The following TSC22D3 variants were observed in gnomAD, a reference collection of about 807,000 sequenced individuals.
The protein encoded by TSC22D3 is TSC22 domain family member 3.
Under a neutral mutation model 11.1 loss-of-function variants are expected in TSC22D3, and 4 were observed. The observed-to-expected ratio is 0.36, with a 90% CI of 0.18 to 0.83. The LOEUF (loss-of-function observed/expected upper bound fraction) is 0.83. Ranked by LOEUF, TSC22D3 falls within the 40% of genes least tolerant of loss-of-function variation. TSC22D3 has a pLI of 0.48. For synonymous variants in TSC22D3, 77 were observed against 70.3 expected (o/e 1.10, Z -0.48); for missense variants, 118 against 159.4 (o/e 0.74, Z 1.40).
intron 1 of TSC22D3, among the ~76,000 whole-genome samples, chrX:107,728,095 T>C (rs778845878): frequency 3.6e-5 from 4 of 110,952 alleles, no homozygotes; most frequent in African/African-American, 1.3e-4. Context: ...TATTTACTAC[T>C]GTACACCTAA....
chrX:107,740,566 G>A (rs751976524), intron 1 of TSC22D3, among the ~76,000 whole-genome samples: 1 of 109,750 alleles, frequency 9.1e-6, no homozygotes, highest in East Asian at 2.9e-4. Context: ...TGGCGACAGA[G>A]CAAGACTCAG....
chrX:107,719,223 A>G (rs775829976), intron 1 of TSC22D3, among the ~76,000 whole-genome samples: 6 of 112,025 alleles, frequency 5.4e-5, no homozygotes, highest in Non-Finnish European at 9.4e-5. Context: ...GGACTCCCTT[A>G]TGTGGAGACA....
intron 1 of TSC22D3, among the ~76,000 whole-genome samples, chrX:107,767,599 G>T (rs1201226747): frequency 2.7e-5 from 3 of 112,230 alleles, no homozygotes; most frequent in Admixed American, 1.9e-4. Flanking sequence ...CTCACAGATC[G>T]CATCTTAGCC....
At chrX:107,754,567 G>T (rs1929086543) in intron 1 of TSC22D3, among the ~76,000 whole-genome samples, 1 of 111,795 alleles carries the variant, frequency 8.9e-6, no homozygotes, top group Admixed American at 9.5e-5. Context: ...GGGCTATGTG[G>T]GTAGGCAGCT....
At chrX:107,772,014 AT>A (rs905390934) in intron 1 of TSC22D3, among the ~76,000 whole-genome samples, 1 of 112,720 alleles carries the variant, frequency 8.9e-6, no homozygotes, top group African/African-American at 3.2e-5. Context: ...AGAAACCTTT[AT>A]TGAATATTGG....
chrX:107,735,223 G>A (rs887087658), intron 1 of TSC22D3, among the ~76,000 whole-genome samples: 3 of 111,701 alleles, frequency 2.7e-5, no homozygotes, highest in Non-Finnish European at 3.8e-5. Context: ...AGCATCCAAC[G>A]GATGGGGCAG....
intron 1 of TSC22D3, among the ~76,000 whole-genome samples, chrX:107,721,604 A>G (rs1427256448): frequency 8.9e-6 from 1 of 112,368 alleles, no homozygotes; most frequent in Non-Finnish European, 1.9e-5. Flanking sequence ...TGTTCCACCC[A>G]AAGGTTCGGC....
chrX:107,714,408 G>T lies in TSC22D3; in HGVS notation c.*111C>A. Reference sequence around the variant, plus strand: ...TAGGACATCTCTTGGCACCAGCTGTGCTAGGTGTAAAGTTCTCCTCGTGAG... The same window carrying T: ...TAGGACATCTCTTGGCACCAGCTGTTCTAGGTGTAAAGTTCTCCTCGTGAG... On this transcript the variant is annotated 3_prime_UTR_variant, in exon 3 of 3. Transcript: ENST00000372383. 1.5e-6 allele frequency: 1 copy of T among 680,548 alleles called. No homozygotes were observed. Among genetic ancestry groups the T allele is most frequent in the Non-Finnish European group, 2.2e-6 (1 of 463,552 alleles). The allele number at this position is 680,548 out of a possible 1,213,427, so 56.1% of individuals were successfully genotyped here.
At chrX:107,722,522 G>T (rs1927392618) in intron 1 of TSC22D3, among the ~76,000 whole-genome samples, 1 of 112,253 alleles carries the variant, frequency 8.9e-6, no homozygotes, top group Non-Finnish European at 1.9e-5. Flanking sequence ...GCTGGGGGGT[G>T]GTTTGTTCTG....
chrX:107,749,905 C>A (rs934653390), intron 1 of TSC22D3, among the ~76,000 whole-genome samples: 1 of 111,798 alleles, frequency 8.9e-6, no homozygotes, highest in Non-Finnish European at 1.9e-5. Flanking sequence ...GCAGCTTCAT[C>A]GAGTCTCCCC....
chrX:107,768,187 A>G (rs1032821499), intron 1 of TSC22D3, among the ~76,000 whole-genome samples: 2 of 112,088 alleles, frequency 1.8e-5, no homozygotes, highest in African/African-American at 3.2e-5. Context: ...AGGTGCAGAC[A>G]TGGCCAAACT....
At chrX:107,754,788 G>A (rs748263881) in intron 1 of TSC22D3, among the ~76,000 whole-genome samples, 18 of 112,284 alleles carry the variant, frequency 1.6e-4, no homozygotes, top group Non-Finnish European at 3.2e-4. Context: ...AGGTGATTGC[G>A]TCCTCTGCAG....
chrX:107,760,484 C>T (rs1929388232), intron 1 of TSC22D3, among the ~76,000 whole-genome samples: 1 of 111,947 alleles, frequency 8.9e-6, no homozygotes, highest in South Asian at 3.7e-4. Context: ...TGGTTTGGGG[C>T]AGGTACCCAC....
chrX:107,759,822 G>A (rs1336956516), intron 1 of TSC22D3, among the ~76,000 whole-genome samples: 1 of 112,878 alleles, frequency 8.9e-6, no homozygotes, highest in Non-Finnish European at 1.9e-5. Flanking sequence ...CCGGGCTAGG[G>A]TGGGACAACT....
At chrX:107,734,430 A>G (rs1928030451) in intron 1 of TSC22D3, among the ~76,000 whole-genome samples, 1 of 112,686 alleles carries the variant, frequency 8.9e-6, no homozygotes, top group Admixed American at 9.3e-5. Context: ...ACAAAGAAGG[A>G]AATCATAAGC....
intron 1 of TSC22D3, among the ~76,000 whole-genome samples, chrX:107,754,157 G>A (rs753135181): frequency 1.0e-3 from 115 of 110,806 alleles, no homozygotes; most frequent in African/African-American, 3.7e-3. Context: ...TTGACCTCAT[G>A]ATCTTCCCAC....
At chrX:107,742,231 C>T (rs1928431856) in intron 1 of TSC22D3, among the ~76,000 whole-genome samples, 1 of 102,144 alleles carries the variant, frequency 9.8e-6, no homozygotes, top group Admixed American at 1.1e-4. Context: ...GCAGTTAAGT[C>T]TCAGCATATA....
intron 1 of TSC22D3, among the ~76,000 whole-genome samples, chrX:107,718,628 C>G (rs777412803): frequency 3.4e-4 from 39 of 113,178 alleles, no homozygotes; most frequent in Non-Finnish European, 6.0e-4. Context: ...TGCCACTGAA[C>G]AGCCAACATT....
At chrX:107,728,271 C>T (rs1287039423) in intron 1 of TSC22D3, among the ~76,000 whole-genome samples, 1 of 112,401 alleles carries the variant, frequency 8.9e-6, no homozygotes, top group East Asian at 2.8e-4. Context: ...AATTTGGGGA[C>T]AATCATTGTC....
Sources: gnomAD v4.1 joint callset for allele counts (sites outside exome capture counted in the v4.1 genomes callset) on GRCh38, gnomAD v4.1.1 for gene constraint, MANE v1.5 for transcripts, NCBI Gene and HGNC (gene_info 2026-07-23, HGNC 2026-07-21) for gene names.